VRK1: variants seen among roughly 807,000 people sequenced by gnomAD.
VRK1 encodes the protein VRK serine/threonine kinase 1, also known as serine/threonine-protein kinase VRK1.
A neutral mutation model predicts 57.1 loss-of-function variants in VRK1; 33 were observed. That is an observed-to-expected ratio of 0.58 (90% CI 0.44 to 0.77). The LOEUF (loss-of-function observed/expected upper bound fraction) is 0.77. VRK1 is among the 30% of genes least tolerant of loss of function. The pLI is 0.00. For missense variants in VRK1, 413 were observed against 477.3 expected, an observed-to-expected ratio of 0.87 and a Z score of 1.25; for synonymous variants, 137 against 147.8, an observed-to-expected ratio of 0.93 and a Z score of 0.53.
intron 10 of VRK1, among the ~76,000 whole-genome samples, chr14:96,859,861 C>G (rs1595680129): frequency 1.3e-5 from 2 of 152,094 alleles, no homozygotes; most frequent in Admixed American, 1.3e-4. Context: ...GTGATATTTA[C>G]ACATCCAAGG....
intron 1 of VRK1, among the ~76,000 whole-genome samples, chr14:96,801,127 TG>T (rs1262597904): frequency 1.3e-5 from 2 of 152,204 alleles, no homozygotes; most frequent in African/African-American, 4.8e-5. Flanking sequence ...TCTGGCTGTT[TG>T]TATGTCGGCA....
Position 96,837,818 on chromosome 14 carries a change from G to A in VRK1, c.216+1G>A, listed in dbSNP as rs774518440. ...TGATGCACCTTGTGTTGTAAAAGTG[G>A]TAAGAAATATTTTAGCTAATTTGTT... On this transcript the variant is annotated splice_donor_variant, in intron 3 of 12. Transcript: ENST00000216639. LOFTEE classifies it high-confidence loss of function. 2.6e-6 allele frequency: 4 copies of A among 1,546,624 alleles called. No individual in the cohort carries two copies. Among genetic ancestry groups the A allele is most frequent in the Non-Finnish European group, 2.6e-6 (3 of 1,145,502 alleles).
At chr14:96,844,106 T>C (rs1887577385) in intron 3 of VRK1, among the ~76,000 whole-genome samples, 1 of 152,224 alleles carries the variant, frequency 6.6e-6, no homozygotes, top group Non-Finnish European at 1.5e-5. Context: ...AGAGGAACTT[T>C]ACCAGAATTT....
At chr14:96,868,864 A>G (rs1595686744) in intron 11 of VRK1, among the ~76,000 whole-genome samples, 2 of 139,230 alleles carry the variant, frequency 1.4e-5, no homozygotes, top group Admixed American at 7.7e-5. Flanking sequence ...GTGCAATGGG[A>G]CGATCTCGAC....
At chr14:96,811,764 C>T (rs1595642479) in intron 1 of VRK1, among the ~76,000 whole-genome samples, 1 of 121,854 alleles carries the variant, frequency 8.2e-6, no homozygotes, top group Non-Finnish European at 1.7e-5. Context: ...CATTTTCCCT[C>T]TCATTAACCT....
intron 1 of VRK1, among the ~76,000 whole-genome samples, chr14:96,824,509 A>G (rs1244619506): frequency 6.6e-6 from 1 of 152,134 alleles, no homozygotes; most frequent in African/African-American, 2.4e-5. Flanking sequence ...TTAGAGAGGA[A>G]TCATGAAGGC....
chr14:96,846,689 C>T (rs1419806958), intron 4 of VRK1, among the ~76,000 whole-genome samples: 1 of 149,984 alleles, frequency 6.7e-6, no homozygotes, highest in Non-Finnish European at 1.5e-5. Context: ...TCAGACTCAA[C>T]CAACCAGGGA....
intron 1 of VRK1, among the ~76,000 whole-genome samples, chr14:96,806,755 T>C (rs184883267): frequency 1.2e-4 from 18 of 152,324 alleles, no homozygotes; most frequent in Non-Finnish European, 2.2e-4. Context: ...AAGGTATTTT[T>C]CTCTGGAGAG....
In VRK1 at chr14:96,856,383, G is replaced by A. The variant is rs534514965; in HGVS notation, c.830+133G>A. On this transcript the variant is annotated intron_variant, in intron 9 of 12. Transcript: ENST00000216639. ...AAGAAAGTACTTGTTAAACAGTAAG[G>A]TTCCTTGGTCTTTTGTTTATTTTAG... is the stretch of plus-strand genomic sequence containing the variant. 1.2e-5 allele frequency: 17 copies of A among 1,379,714 alleles called. No individual in the cohort carries two copies. In the South Asian group the frequency reaches 1.8e-4, roughly 14 times the overall value. 85.5% of individuals were successfully genotyped at this position (1,379,714 alleles called of 1,614,324 possible).
intron 1 of VRK1, among the ~76,000 whole-genome samples, chr14:96,821,764 G>A (rs903051519): frequency 6.6e-6 from 1 of 152,160 alleles, no homozygotes; most frequent in Admixed American, 6.5e-5. Flanking sequence ...TAGCCTGAGT[G>A]TTGGGCATGT....
At chr14:96,844,248 G>A (rs1040213489) in intron 3 of VRK1, among the ~76,000 whole-genome samples, 3 of 152,136 alleles carry the variant, frequency 2.0e-5, no homozygotes, top group Admixed American at 6.5e-5. Flanking sequence ...ATTGCTGCTA[G>A]GAAAGGAGCC....
At chr14:96,853,320 T>C (rs1888024530) in intron 7 of VRK1, among the ~76,000 whole-genome samples, 154 bp downstream of exon 7, 1 of 152,206 alleles carries the variant, frequency 6.6e-6, no homozygotes, top group Non-Finnish European at 1.5e-5. Context: ...GTTAACATTC[T>C]ACATTTTTGA....
intron 1 of VRK1, among the ~76,000 whole-genome samples, chr14:96,824,827 G>A (rs1392981758): frequency 1.3e-5 from 2 of 151,844 alleles, no homozygotes; most frequent in Non-Finnish European, 2.9e-5. Context: ...CTTATTTTTT[G>A]TATTTTTAGT....
In VRK1 at chr14:96,860,710, G is replaced by C; in HGVS notation, c.1043G>C (p.Gly348Ala). The part of the protein sequence containing the change: ...KLDLSVVENG[G>A]LKAKTITKKR... ...GACCTCAGTGTTGTGGAGAATGGAG[G>C]TTTGAAAGCAAAAACAATAACAAAG... The change falls in exon 11 of 13, where the codon GGT becomes GCT. Residue 348 changes from glycine (G) to alanine (A), a missense_variant. By Grantham distance (60) the Gly-to-Ala change is moderately conservative (BLOSUM62 0). Coordinates refer to ENST00000216639, the MANE Select transcript of VRK1 (RefSeq NM_003384.3). 6.2e-7 allele frequency: 1 copy of C among 1,613,010 alleles called. No individual in the cohort carries two copies. Among genetic ancestry groups the C allele is most frequent in the South Asian group, 1.1e-5 (1 of 91,010 alleles).
chr14:96,807,396 T>G (rs1334079329), intron 1 of VRK1, among the ~76,000 whole-genome samples: 2 of 152,226 alleles, frequency 1.3e-5, no homozygotes, highest in African/African-American at 4.8e-5. Context: ...CTCCAGTTCA[T>G]TAGCTATTCC....
chr14:96,811,331 C>A (rs960730100), intron 1 of VRK1, among the ~76,000 whole-genome samples: 2 of 152,204 alleles, frequency 1.3e-5, no homozygotes, highest in Non-Finnish European at 2.9e-5. Context: ...AAAAAATTAG[C>A]TATCTCCTGC....
At chr14:96,857,989 T>A (rs180745357) in intron 10 of VRK1, among the ~76,000 whole-genome samples, 126 of 152,362 alleles carry the variant, frequency 8.3e-4, no homozygotes, top group Middle Eastern at 6.8e-3. Context: ...TATTGTTTAC[T>A]TCTGTTAGTG....
chr14:96,860,178 G>C (rs954931415), intron 10 of VRK1, among the ~76,000 whole-genome samples: 5 of 151,892 alleles, frequency 3.3e-5, no homozygotes, highest in Admixed American at 6.6e-5. Flanking sequence ...GGCTTTGATG[G>C]CAAAAACATA....
At chr14:96,845,856 AT>A (rs1367166790) in intron 3 of VRK1, among the ~76,000 whole-genome samples, 11 of 152,210 alleles carry the variant, frequency 7.2e-5, no homozygotes, top group African/African-American at 2.7e-4. Context: ...TGAGCTATAT[AT>A]CTGATTTTGT....
Sources: allele counts gnomAD v4.1 joint callset (sites outside exome capture counted in the v4.1 genomes callset), GRCh38; gene constraint gnomAD v4.1.1; transcripts MANE v1.5; gene names NCBI Gene and HGNC (gene_info 2026-07-23, HGNC 2026-07-21).